Variants in CYREN observed in about 807,000 individuals in gnomAD.
The protein encoded by CYREN is cell cycle regulator of NHEJ.
CYREN carries 7 observed loss-of-function variants against 9.7 expected under a neutral mutation model. The ratio of observed to expected loss-of-function variants is 0.72; its 90% confidence interval spans 0.41 to 1.36. CYREN has a LOEUF of 1.36. CYREN is among the 40% of genes most tolerant of loss of function. CYREN has a pLI of 0.01. For synonymous variants in CYREN, 76 were observed against 77.9 expected (o/e 0.98, Z 0.13); for missense variants, 215 against 198.1 (o/e 1.09, Z -0.51).
intron 2 of CYREN, among the ~76,000 whole-genome samples, chr7:135,157,118 A>T (rs1829814699): frequency 6.6e-6 from 1 of 152,218 alleles, no homozygotes; most frequent in African/African-American, 2.4e-5. Flanking sequence ...AAAATGGACT[A>T]ATACAATGGT....
chr7:135,148,490 A>G (rs1829595469), intron 2 of CYREN, among the ~76,000 whole-genome samples: 1 of 152,138 alleles, frequency 6.6e-6, no homozygotes, highest in African/African-American at 2.4e-5. Context: ...CGGCATCAAC[A>G]TGTGTAGCTC....
chr7:135,109,543 G>A (rs185999543), intron 2 of CYREN, among the ~76,000 whole-genome samples: 7 of 152,042 alleles, frequency 4.6e-5, no homozygotes, highest in Admixed American at 4.6e-4. Context: ...TTGTCACCTC[G>A]GATTTTTCAG....
At chr7:135,111,273 C>A (rs1177233336) in intron 2 of CYREN, among the ~76,000 whole-genome samples, 1 of 152,210 alleles carries the variant, frequency 6.6e-6, no homozygotes, top group Non-Finnish European at 1.5e-5. Flanking sequence ...CTAATTACTG[C>A]CGTCTTACTC....
At chr7:135,121,475 A>G (rs1827116074) in intron 2 of CYREN, among the ~76,000 whole-genome samples, 1 of 152,178 alleles carries the variant, frequency 6.6e-6, no homozygotes, top group Admixed American at 6.5e-5. Flanking sequence ...AACATATTTA[A>G]AAGAATTTAA....
upstream of CYREN, among the ~76,000 whole-genome samples, chr7:135,171,565 A>C (rs553500539): frequency 3.3e-5 from 5 of 152,290 alleles, no homozygotes; most frequent in East Asian, 9.6e-4. Context: ...TGCTCAAATC[A>C]ATCACGACCC....
intron 2 of CYREN, chr7:135,148,279 C>G: frequency 2.8e-6 from 1 of 361,310 alleles, no homozygotes; most frequent in Non-Finnish European, 5.4e-6. Flanking sequence ...CTGTAAGTAC[C>G]GATCCTGCAA....
intron 2 of CYREN, among the ~76,000 whole-genome samples, chr7:135,098,760 C>A (rs926202901): frequency 3.9e-5 from 6 of 152,138 alleles, no homozygotes; most frequent in Admixed American, 2.6e-4. Context: ...GAAAAAGAAA[C>A]AGGAAGAGCA....
intron 3 of CYREN, chr7:135,167,492 C>T (rs1033502716): frequency 1.8e-5 from 25 of 1,399,202 alleles, no homozygotes; most frequent in South Asian, 1.4e-4. Flanking sequence ...CTAACACACA[C>T]ACGCCCTCCC....
At chr7:135,167,871 A>G (rs1334652499) in intron 2 of CYREN, 64 bp from the exon 3 acceptor site, 1 of 1,610,348 alleles carries the variant, frequency 6.2e-7, no homozygotes, top group South Asian at 1.1e-5. Context: ...GGCAAAGAGA[A>G]CAGGAGAAGC....
chr7:135,120,406 TAA>T (rs377364074), intron 2 of CYREN, among the ~76,000 whole-genome samples: 44 of 152,288 alleles, frequency 2.9e-4, no homozygotes, highest in African/African-American at 9.9e-4. Context: ...TAAATTGTGA[TAA>T]GTTATGCATA....
chr7:135,122,070 C>T (rs1353360135), intron 2 of CYREN, among the ~76,000 whole-genome samples: 1 of 152,210 alleles, frequency 6.6e-6, no homozygotes, highest in Non-Finnish European at 1.5e-5. Context: ...CTGTCTAAGC[C>T]GTTTGAGTTC....
downstream of CYREN, among the ~76,000 whole-genome samples, chr7:135,160,941 G>A (rs187268203): frequency 6.6e-6 from 1 of 152,188 alleles, no homozygotes; most frequent in Non-Finnish European, 1.5e-5. Flanking sequence ...TAGGAGCTGG[G>A]GGGTGGCTGA....
At chr7:135,105,080 T>TTC (rs1333383987) in intron 2 of CYREN, among the ~76,000 whole-genome samples, 1 of 149,780 alleles carries the variant, frequency 6.7e-6, no homozygotes, top group East Asian at 1.9e-4. Context: ...GTTTTTTTTT[T>TTC]TTTTTTTGAG....
intron 2 of CYREN, among the ~76,000 whole-genome samples, chr7:135,117,786 C>A (rs1355273773): frequency 1.3e-5 from 2 of 152,206 alleles, no homozygotes; most frequent in African/African-American, 2.4e-5. Flanking sequence ...ACCTCAGGCA[C>A]AATTTGCCCT....
intron 2 of CYREN, among the ~76,000 whole-genome samples, chr7:135,118,529 C>G (rs1332659743): frequency 6.6e-6 from 1 of 152,128 alleles, no homozygotes; most frequent in Non-Finnish European, 1.5e-5. Flanking sequence ...ACTCCCTGAG[C>G]TGGAGCAAAC....
intron 2 of CYREN, among the ~76,000 whole-genome samples, chr7:135,097,262 T>A (rs1823044771): frequency 6.6e-6 from 1 of 152,170 alleles, no homozygotes; most frequent in African/African-American, 2.4e-5. Context: ...AGGGTAGAGC[T>A]CATTTTGTCA....
chr7:135,168,094 A>C, intron 2 of CYREN: 7 of 451,018 alleles, frequency 1.6e-5, no homozygotes, highest in Non-Finnish European at 2.4e-5. Context: ...AAACACACAC[A>C]TGGATGCAAG....
At chr7:135,096,785 AAGAAAG>A (rs1229205676) in intron 2 of CYREN, among the ~76,000 whole-genome samples, 1 of 150,680 alleles carries the variant, frequency 6.6e-6, no homozygotes, top group Non-Finnish European at 1.5e-5. Flanking sequence ...GAAAGAAAGA[AAGAAAG>A]AAAAAGGGAA....
downstream of CYREN, among the ~76,000 whole-genome samples, chr7:135,163,375 C>G (rs1040049986): frequency 6.6e-6 from 1 of 152,142 alleles, no homozygotes; most frequent in African/African-American, 2.4e-5. Flanking sequence ...GGCATGGTGG[C>G]TCATGCCTGT....
Sources: gnomAD v4.1 joint callset for allele counts (sites outside exome capture counted in the v4.1 genomes callset) on GRCh38, gnomAD v4.1.1 for gene constraint, MANE v1.5 for transcripts, NCBI Gene and HGNC (gene_info 2026-07-23, HGNC 2026-07-21) for gene names.